SHISA9: variants seen among roughly 807,000 people sequenced by gnomAD.
SHISA9 encodes shisa family member 9, also known as protein shisa-9.
Under a neutral mutation model 38.0 loss-of-function variants are expected in SHISA9, and 13 were observed. That is an observed-to-expected ratio of 0.34 (90% confidence interval 0.22 to 0.54). SHISA9 has a LOEUF of 0.54. SHISA9 is among the 20% of genes least tolerant of loss of function. SHISA9 has a pLI of 0.91. For synonymous variants in SHISA9, 275 were observed against 242.0 expected (o/e 1.14, Z -1.27); for missense variants, 538 against 575.8 (o/e 0.93, Z 0.67).
chr16:13,554,533 G>A, the SHISA9 span, among the ~76,000 whole-genome samples: 3 of 123,060 alleles, frequency 2.4e-5, no homozygotes, highest in Non-Finnish European at 4.9e-5. Context: ...TTTTTTTGAT[G>A]GAGCCTGGAG....
At chr16:13,494,521 A>G in the SHISA9 span, among the ~76,000 whole-genome samples, 1 of 152,186 alleles carries the variant, frequency 6.6e-6, no homozygotes, top group Non-Finnish European at 1.5e-5. Flanking sequence ...GGAACGTTGC[A>G]CTCAAAATGC....
chr16:13,129,732 A>G (rs1269873006), intron 2 of SHISA9, among the ~76,000 whole-genome samples: 2 of 152,310 alleles, frequency 1.3e-5, no homozygotes, highest in Middle Eastern at 3.4e-3. Flanking sequence ...TGCATCTTCA[A>G]TGGATGGTCC....
At chr16:13,190,671 A>G (rs1220369162) in intron 2 of SHISA9, among the ~76,000 whole-genome samples, 2 of 152,102 alleles carry the variant, frequency 1.3e-5, no homozygotes, top group African/African-American at 4.8e-5. Flanking sequence ...TCTGCCTCCT[A>G]CCCTAGACTG....
chr16:13,119,984 TG>T (rs2074069324), intron 2 of SHISA9, among the ~76,000 whole-genome samples: 1 of 151,750 alleles, frequency 6.6e-6, no homozygotes, highest in Non-Finnish European at 1.5e-5. Context: ...CCAGAAAGAA[TG>T]GGAACATGAC....
chr16:13,098,104 C>T (rs1182095149), intron 2 of SHISA9, among the ~76,000 whole-genome samples: 1 of 152,206 alleles, frequency 6.6e-6, no homozygotes, highest in African/African-American at 2.4e-5. Flanking sequence ...GAGATGAAGT[C>T]ACCTGTCCCA....
the SHISA9 span, among the ~76,000 whole-genome samples, chr16:13,344,067 C>T: frequency 1.3e-5 from 2 of 152,204 alleles, no homozygotes; most frequent in African/African-American, 4.8e-5. Context: ...GCTTCACAAC[C>T]CATGACGGTC....
At chr16:13,250,374 T>TG in the SHISA9 span, among the ~76,000 whole-genome samples, 1 of 152,028 alleles carries the variant, frequency 6.6e-6, no homozygotes, top group South Asian at 2.1e-4. Flanking sequence ...TTAATTGCAT[T>TG]GGGGGGAGAG....
chr16:13,384,878 G>A, the SHISA9 span, among the ~76,000 whole-genome samples: 3 of 152,284 alleles, frequency 2.0e-5, no homozygotes, highest in South Asian at 6.2e-4. Context: ...TTAAGAGGAT[G>A]CAAAGACCAG....
chr16:13,265,187 TCCC>T, the SHISA9 span, among the ~76,000 whole-genome samples: 1 of 42,540 alleles, frequency 2.4e-5, no homozygotes, highest in Non-Finnish European at 4.5e-5. Context: ...CTCTTCCCAC[TCCC>T]TCCCCTCCCT....
chr16:13,464,464 C>T, the SHISA9 span, among the ~76,000 whole-genome samples: 4 of 152,174 alleles, frequency 2.6e-5, no homozygotes, highest in Non-Finnish European at 5.9e-5. Context: ...TCCCTATCAG[C>T]CTAAGTGCTC....
At chr16:13,111,943 C>T (rs2073982463) in intron 2 of SHISA9, among the ~76,000 whole-genome samples, 1 of 152,094 alleles carries the variant, frequency 6.6e-6, no homozygotes, top group African/African-American at 2.4e-5. Context: ...AACTGAGGCT[C>T]AGAGAGGTTA....
At chr16:13,450,920 A>C in the SHISA9 span, among the ~76,000 whole-genome samples, 8 of 152,176 alleles carry the variant, frequency 5.3e-5, no homozygotes, top group Non-Finnish European at 1.2e-4. Flanking sequence ...CCCACGGAGA[A>C]CTGTGACCGA....
the SHISA9 span, among the ~76,000 whole-genome samples, chr16:13,439,204 G>A: frequency 6.6e-6 from 1 of 152,186 alleles, no homozygotes; most frequent in Admixed American, 6.5e-5. Context: ...AAAACAGTGA[G>A]TAGTTTCCAG....
At chr16:13,177,903 C>T (rs951521276) in intron 2 of SHISA9, among the ~76,000 whole-genome samples, 1 of 152,142 alleles carries the variant, frequency 6.6e-6, no homozygotes, top group African/African-American at 2.4e-5. Flanking sequence ...CCCCTGACCT[C>T]GTGATCCACC....
intron 2 of SHISA9, among the ~76,000 whole-genome samples, chr16:13,190,955 A>G (rs543951242): frequency 1.3e-5 from 2 of 152,136 alleles, no homozygotes; most frequent in South Asian, 2.1e-4. Flanking sequence ...TCTGCCACCA[A>G]GATTCAAAAA....
intron 2 of SHISA9, among the ~76,000 whole-genome samples, chr16:13,028,276 G>A (rs11863087): frequency 0.13 from 19,707 of 152,068 alleles, 2,272 homozygotes; most frequent in African/African-American, 0.29. Flanking sequence ...TTATCTCTAC[G>A]TGGCTTCATT....
the SHISA9 span, among the ~76,000 whole-genome samples, chr16:13,396,228 C>T: frequency 3.9e-5 from 6 of 152,186 alleles, no homozygotes; most frequent in South Asian, 2.1e-4. Flanking sequence ...ATCAATCGGC[C>T]GGATGCAATG....
the SHISA9 span, among the ~76,000 whole-genome samples, chr16:13,246,107 TAA>T: frequency 6.6e-6 from 1 of 152,098 alleles, no homozygotes; most frequent in East Asian, 1.9e-4. Flanking sequence ...AAAACCAAAA[TAA>T]GTCTGATATG....
chr16:12,996,976 A>G (rs1875394), intron 2 of SHISA9, among the ~76,000 whole-genome samples: 1 of 151,812 alleles, frequency 6.6e-6, no homozygotes, highest in Non-Finnish European at 1.5e-5. Context: ...AGGCTAGACT[A>G]GTTTTTATCA....
Sources: allele counts gnomAD v4.1 joint callset (sites outside exome capture counted in the v4.1 genomes callset), GRCh38; gene constraint gnomAD v4.1.1; transcripts MANE v1.5; gene names NCBI Gene and HGNC (gene_info 2026-07-23, HGNC 2026-07-21).